MYSM1: variants seen among roughly 807,000 people sequenced by gnomAD.
MYSM1 encodes Myb like, SWIRM and MPN domains 1, also known as deubiquitinase MYSM1.
MYSM1 carries 51 observed loss-of-function variants against 116.0 expected under a neutral mutation model. The ratio of observed to expected loss-of-function variants is 0.44; its 90% CI spans 0.35 to 0.56. The LOEUF (loss-of-function observed/expected upper bound fraction) is 0.56, where lower values mean the gene tolerates loss of function less well. MYSM1 is among the 20% of genes least tolerant of loss of function. The pLI, the probability that MYSM1 is intolerant of heterozygous loss-of-function variation, is 0.00. For missense variants in MYSM1, 900 were observed against 974.9 expected (o/e 0.92, Z 1.02); for synonymous variants, 313 against 315.2 (o/e 0.99, Z 0.07).
intron 3 of MYSM1, among the ~76,000 whole-genome samples, chr1:58,690,863 G>A (rs1470876325): frequency 6.6e-6 from 1 of 151,990 alleles, no homozygotes; most frequent in Admixed American, 6.6e-5. Context: ...AGGCAATTCG[G>A]GAATAATTTT....
intron 16 of MYSM1, 138 bp from the exon 17 acceptor site, chr1:58,665,769 G>T: frequency 1.6e-6 from 1 of 628,272 alleles, no homozygotes; most frequent in Non-Finnish European, 2.7e-6. Flanking sequence ...ATCTGGCCCG[G>T]CACAGTGGCC....
chr1:58,680,126 A>G (rs1180823423), intron 8 of MYSM1, among the ~76,000 whole-genome samples: 1 of 151,984 alleles, frequency 6.6e-6, no homozygotes, highest in Non-Finnish European at 1.5e-5. Context: ...AATTTTGGCC[A>G]TTCACCCTCT....
At position 58,699,697 on chromosome 1, in the gene MYSM1, G is replaced by C. The variant is rs371095949; in HGVS notation, c.68+288C>G. The C allele has an allele frequency of 1.0e-4, 100 of 985,416 alleles. No individual in the cohort carries two copies. In the African/African-American group the frequency reaches 1.5e-3, roughly 14 times the overall value. 61.0% of individuals were successfully genotyped at this position (985,416 alleles called of 1,614,324 possible). ...CCTGAAAAGGAGGGAACGGAAGAAGGAATCTAAATGTAAATCAAACGCAAT... is the reference window on the plus strand; with the variant it reads ...CCTGAAAAGGAGGGAACGGAAGAAGCAATCTAAATGTAAATCAAACGCAAT... On this transcript the variant is annotated intron_variant, in intron 1 of 19. Coordinates refer to ENST00000472487, the MANE Select transcript of MYSM1 (RefSeq NM_001085487.3).
intron 15 of MYSM1, 105 bp downstream of exon 15, chr1:58,667,742 T>C: frequency 4.2e-6 from 3 of 712,206 alleles, no homozygotes; most frequent in Non-Finnish European, 7.4e-6. Flanking sequence ...ATATATATCA[T>C]AGGTAAAGTC....
At chr1:58,661,628 T>A in intron 17 of MYSM1, 117 bp from the exon 18 acceptor site, 1 of 588,780 alleles carries the variant, frequency 1.7e-6, no homozygotes, top group Admixed American at 3.1e-5. Context: ...GCAGATCAGC[T>A]GAACAGCACT....
chr1:58,681,640 T>G (rs1644743250), intron 8 of MYSM1, 145 bp downstream of exon 8: 1 of 858,984 alleles, frequency 1.2e-6, no homozygotes, highest in Non-Finnish European at 1.7e-6. Context: ...ACCAAAGCTT[T>G]TTTTCATTAC....
chr1:58,696,278 T>A (rs1644973027), intron 1 of MYSM1, among the ~76,000 whole-genome samples: 1 of 152,176 alleles, frequency 6.6e-6, no homozygotes, highest in Non-Finnish European at 1.5e-5. Context: ...TCATTTCAAA[T>A]TCACTGTAGA....
At chr1:58,666,057 TA>T (rs1312579597) in intron 16 of MYSM1, among the ~76,000 whole-genome samples, 2,780 of 142,346 alleles carry the variant, frequency 0.02, 65 homozygotes, top group African/African-American at 0.063. Flanking sequence ...ACTATGTCTC[TA>T]AAAAAAAAAA....
intron 5 of MYSM1, chr1:58,689,317 G>T (rs1644871571): frequency 1.0e-5 from 5 of 483,018 alleles, no homozygotes; most frequent in Non-Finnish European, 1.8e-5. Flanking sequence ...TCTAGCTCAG[G>T]ATGATGGGAG....
At chr1:58,678,308 G>A (rs1644684626) in intron 8 of MYSM1, among the ~76,000 whole-genome samples, 2 of 152,042 alleles carry the variant, frequency 1.3e-5, no homozygotes, top group Non-Finnish European at 2.9e-5. Flanking sequence ...AAACAAAATT[G>A]TACAAATGAA....
chr1:58,680,301 A>C (rs938115691), intron 8 of MYSM1, among the ~76,000 whole-genome samples: 1 of 152,192 alleles, frequency 6.6e-6, no homozygotes, highest in African/African-American at 2.4e-5. Flanking sequence ...CAGGTCCCTA[A>C]ACCTCTCCTG....
intron 6 of MYSM1, 127 bp from the exon 7 acceptor site, chr1:58,685,378 TA>T (rs1052376928): frequency 3.3e-6 from 2 of 610,628 alleles, no homozygotes; most frequent in African/African-American, 3.8e-5. Flanking sequence ...AAGCACACAA[TA>T]AAGTCTTCTA....
chr1:58,661,529 A>C lies in MYSM1; in HGVS notation c.2165-18T>G, dbSNP rs766516005. The C allele has an allele frequency of 1.4e-5, 19 of 1,347,242 alleles. No individual in the cohort carries two copies. The highest frequency in any genetic ancestry group is 1.9e-5 in the Non-Finnish European group (18 of 945,842). 83.5% of individuals were successfully genotyped at this position (1,347,242 alleles called of 1,614,324 possible). A position where few individuals can be genotyped will look rare whatever the true frequency, so the allele number is the denominator to read the frequency against. Reference sequence around the variant, plus strand: ...AGGTAAGCCTAGAAAAGCATAAAGAAGCACATTGTCATCAACTATTTCTTA... The same window carrying C: ...AGGTAAGCCTAGAAAAGCATAAAGACGCACATTGTCATCAACTATTTCTTA... On this transcript the variant is annotated intron_variant, in intron 17 of 19. Coordinates refer to ENST00000472487, the MANE Select transcript of MYSM1 (RefSeq NM_001085487.3).
At chr1:58,696,336 G>C (rs1438987320) in intron 1 of MYSM1, among the ~76,000 whole-genome samples, 2 of 152,138 alleles carry the variant, frequency 1.3e-5, no homozygotes, top group Non-Finnish European at 2.9e-5. Context: ...TCATACTCTG[G>C]TAGCTACTTC....
intron 8 of MYSM1, among the ~76,000 whole-genome samples, chr1:58,678,292 A>G (rs2100638314): frequency 6.6e-6 from 1 of 152,286 alleles, no homozygotes; most frequent in South Asian, 2.1e-4. Context: ...GTCTTGCAAG[A>G]AAATGAAACA....
At chr1:58,687,046 C>A (rs886239373) in intron 6 of MYSM1, among the ~76,000 whole-genome samples, 1 of 151,820 alleles carries the variant, frequency 6.6e-6, no homozygotes, top group African/African-American at 2.4e-5. Context: ...GAGTCCCATG[C>A]CCAAAAAAGG....
intron 1 of MYSM1, among the ~76,000 whole-genome samples, chr1:58,696,564 A>G (rs1305339689): frequency 2.0e-5 from 3 of 152,154 alleles, no homozygotes; most frequent in Non-Finnish European, 4.4e-5. Context: ...CATTTTCCAA[A>G]TCCAGTCCTT....
rs971561578 is a variant in MYSM1 at position 58,668,749 on chromosome 1, G to T, written c.1717-67C>A. 9 of 1,390,216 alleles carry T rather than the reference G, an allele frequency of 6.5e-6. No homozygotes were observed. The Middle Eastern group carries it at 5.3e-4, about 82-fold the overall frequency. The allele number at this position is 1,390,216 out of a possible 1,614,324, so 86.1% of individuals were successfully genotyped here. On this transcript the variant is annotated intron_variant, in intron 13 of 19. Transcript: ENST00000472487. ...TAGAGATTTTTGTTTTCCCCACCTG[G>T]AATGCCCACCCTGTTCTCCTTTATC...
chr1:58,668,581 C>T (rs1644508220), intron 14 of MYSM1, 51 bp downstream of exon 14: 1 of 1,547,266 alleles, frequency 6.5e-7, no homozygotes, highest in South Asian at 1.2e-5. Flanking sequence ...AATAAAAATA[C>T]ACAAGAGTAG....
Sources: gnomAD v4.1 joint callset for allele counts (sites outside exome capture counted in the v4.1 genomes callset) on GRCh38, gnomAD v4.1.1 for gene constraint, MANE v1.5 for transcripts, NCBI Gene and HGNC (gene_info 2026-07-23, HGNC 2026-07-21) for gene names.